Variants in GLI3 observed in about 807,000 individuals in gnomAD.
The protein encoded by GLI3 is GLI family zinc finger 3.
GLI3 carries 20 observed loss-of-function variants against 100.8 expected under a neutral mutation model. The ratio of observed to expected loss-of-function variants is 0.20; its 90% confidence interval spans 0.14 to 0.29. The LOEUF is 0.29. Ranked by LOEUF, GLI3 falls within the 10% of genes least tolerant of loss-of-function variation. The pLI is 1.00. For synonymous variants in GLI3, 938 were observed against 860.5 expected, an observed-to-expected ratio of 1.09 and a Z score of -1.58; for missense variants, 2,040 against 2,128.5, an observed-to-expected ratio of 0.96 and a Z score of 0.82.
At chr7:42,088,397 T>C (rs1338654548) in intron 3 of GLI3, among the ~76,000 whole-genome samples, 1 of 140,114 alleles carries the variant, frequency 7.1e-6, no homozygotes, top group East Asian at 1.9e-4. Context: ...TCCTCTCTTG[T>C]TGGCTACCCT....
At chr7:42,220,104 G>A (rs1312670465) in intron 2 of GLI3, among the ~76,000 whole-genome samples, 3 of 151,984 alleles carry the variant, frequency 2.0e-5, no homozygotes, top group Admixed American at 6.6e-5. Context: ...CGCCCGCCTC[G>A]GCCTGCCAAA....
At chr7:42,067,991 A>G (rs1244057754) in intron 4 of GLI3, among the ~76,000 whole-genome samples, 2 of 152,234 alleles carry the variant, frequency 1.3e-5, no homozygotes, top group African/African-American at 2.4e-5. Flanking sequence ...ATGCCAAAAT[A>G]TTAGGTGATG....
At chr7:42,187,906 G>A (rs2128686323) in intron 2 of GLI3, among the ~76,000 whole-genome samples, 1 of 149,584 alleles carries the variant, frequency 6.7e-6, no homozygotes, top group Non-Finnish European at 1.5e-5. Flanking sequence ...AGGAAGCTGA[G>A]GCAGGAGAAT....
chr7:42,113,315 C>T, intron 3 of GLI3: 2 of 616,398 alleles, frequency 3.2e-6, no homozygotes, highest in Non-Finnish European at 3.0e-6. Flanking sequence ...AGCCCGCACA[C>T]CACCACATCC....
At position 41,987,093 on chromosome 7, in the gene GLI3, CAG is replaced by C. The variant is rs1306759882; in HGVS notation, c.1498-8347_1498-8346del. 2.7e-3 allele frequency among the ~76,000 whole-genome samples: 235 copies of C among 86,474 alleles called. 2 individuals are homozygous for C. Among genetic ancestry groups the C allele is most frequent in the African/African-American group, 9.8e-3 (228 of 23,158 alleles). The allele number at this position is 86,474 out of a possible 152,430, so 56.7% of individuals were successfully genotyped here. ...ACTTCTGCTACAACATACACAGACA[CAG>C]ACACAGACACACACACACACACACA... On this transcript the variant is annotated intron_variant, in intron 10 of 14. Coordinates refer to ENST00000395925, the MANE Select transcript of GLI3 (RefSeq NM_000168.6).
chr7:42,122,202 A>G (rs1040160210), intron 3 of GLI3, among the ~76,000 whole-genome samples: 5 of 148,028 alleles, frequency 3.4e-5, no homozygotes, highest in Non-Finnish European at 7.4e-5. Context: ...AATATATGTC[A>G]TATATTATAT....
chr7:42,111,864 A>G (rs954072967), intron 3 of GLI3, among the ~76,000 whole-genome samples: 1 of 152,282 alleles, frequency 6.6e-6, no homozygotes. Flanking sequence ...AAAACACTAG[A>G]TGACCCATTG....
intron 2 of GLI3, among the ~76,000 whole-genome samples, chr7:42,175,509 C>G (rs1014146135): frequency 2.6e-5 from 4 of 151,990 alleles, no homozygotes; most frequent in Non-Finnish European, 5.9e-5. Context: ...TCCTAGCTAT[C>G]TGGGTGGCTG....
chr7:42,208,351 ATTATT>A (rs1260821491), intron 2 of GLI3, among the ~76,000 whole-genome samples: 1 of 152,080 alleles, frequency 6.6e-6, no homozygotes, highest in Admixed American at 6.6e-5. Flanking sequence ...TCTAAAATGA[ATTATT>A]TTAATAATTT....
chr7:42,125,974 C>A (rs1786116656), intron 3 of GLI3, among the ~76,000 whole-genome samples: 1 of 152,152 alleles, frequency 6.6e-6, no homozygotes, highest in Non-Finnish European at 1.5e-5. Flanking sequence ...TACAAAATCA[C>A]TGCACATTGG....
rs535453217 is a variant in GLI3 at position 42,094,108 on chromosome 7, C to T, written c.368-17251G>A. ...GTTTCAGGAAGGAGTCACAGTATTT[C>T]CCTCAAGGTCACTATCTCCCTTGCA... is the stretch of plus-strand genomic sequence containing the variant. On this transcript the variant is annotated intron_variant, in intron 3 of 14. Coordinates refer to ENST00000395925, the MANE Select transcript of GLI3 (RefSeq NM_000168.6). Among the ~76,000 whole-genome samples the T allele has an allele frequency of 3.3e-5, 5 of 152,240 alleles. No individual in the cohort carries two copies. In the South Asian group the frequency reaches 1.0e-3, roughly 32 times the overall value.
At chr7:42,063,285 A>G (rs1244287262) in intron 4 of GLI3, among the ~76,000 whole-genome samples, 1 of 152,174 alleles carries the variant, frequency 6.6e-6, no homozygotes, top group East Asian at 1.9e-4. Flanking sequence ...TTGACCAAAT[A>G]CATACGTACA....
chr7:42,172,576 C>T (rs1215932608), intron 2 of GLI3: 1 of 702,914 alleles, frequency 1.4e-6, no homozygotes, highest in African/African-American at 1.7e-5. Context: ...TTCAAGGTAG[C>T]CCATCCAAGA....
intron 3 of GLI3, among the ~76,000 whole-genome samples, chr7:42,122,005 A>C (rs1181180552): frequency 6.6e-6 from 1 of 152,146 alleles, no homozygotes; most frequent in Non-Finnish European, 1.5e-5. Flanking sequence ...CCTTGGCTTG[A>C]GGGCCATTAC....
intron 10 of GLI3, among the ~76,000 whole-genome samples, chr7:41,984,700 A>T (rs1475680745): frequency 2.0e-5 from 3 of 152,332 alleles, no homozygotes; most frequent in Admixed American, 1.3e-4. Flanking sequence ...GAGGGGGGAA[A>T]CGCGAAGCTT....
intron 12 of GLI3, among the ~76,000 whole-genome samples, chr7:41,976,898 A>G (rs1787528172): frequency 6.6e-6 from 1 of 152,214 alleles, no homozygotes; most frequent in Non-Finnish European, 1.5e-5. Context: ...CCTCTCTACA[A>G]TTTAGGGGGG....
chr7:42,054,178 A>G lies in GLI3; in HGVS notation c.474-5482T>C, dbSNP rs529774942. On this transcript the variant is annotated intron_variant, in intron 4 of 14. Transcript: ENST00000395925. ...GGTCATGAAAATAGATTACAATGAA[A>G]GAGTAGAAGATTCTTATCAGAGCAT... is the stretch of plus-strand genomic sequence containing the variant. Among the ~76,000 whole-genome samples, 25 of 152,370 alleles carry G rather than the reference A, an allele frequency of 1.6e-4. No individual in the cohort carries two copies. In the East Asian group the frequency reaches 4.8e-3, roughly 29 times the overall value.
intron 7 of GLI3, among the ~76,000 whole-genome samples, chr7:42,027,278 C>T (rs1789145544): frequency 6.6e-6 from 1 of 152,010 alleles, no homozygotes; most frequent in Admixed American, 6.5e-5. Context: ...ATGGAGTGTT[C>T]TTAAGGAATT....
chr7:42,222,915 T>G (rs977809166), intron 2 of GLI3: 1 of 564,424 alleles, frequency 1.8e-6, no homozygotes, highest in South Asian at 1.9e-5. Context: ...CATCTCAAAT[T>G]AGAAAGTTTG....
Sources: gnomAD v4.1 joint callset for allele counts (sites outside exome capture counted in the v4.1 genomes callset) on GRCh38, gnomAD v4.1.1 for gene constraint, MANE v1.5 for transcripts, NCBI Gene and HGNC (gene_info 2026-07-23, HGNC 2026-07-21) for gene names.